TMC2: variants seen among roughly 807,000 people sequenced by gnomAD.
The protein encoded by TMC2 is transmembrane channel-like protein 2.
In TMC2, 102 loss-of-function variants were observed where a neutral mutation model predicts 105.9. The observed-to-expected ratio is 0.96, with a 90% CI of 0.82 to 1.14. The LOEUF is 1.14. Ranked by LOEUF, TMC2 falls within the 50% of genes most tolerant of loss-of-function variation. The pLI, the probability that TMC2 is intolerant of heterozygous loss-of-function variation, is 0.00. For synonymous variants in TMC2, 402 were observed against 422.8 expected (o/e 0.95, Z 0.60); for missense variants, 1,093 against 1,134.3 (o/e 0.96, Z 0.52).
At chr20:2,609,523 C>A (rs188859088) in intron 11 of TMC2, among the ~76,000 whole-genome samples, 1 of 152,070 alleles carries the variant, frequency 6.6e-6, no homozygotes, top group African/African-American at 2.4e-5. Context: ...AAAGCACAAA[C>A]AATAGTAGGC....
rs570750938 is a variant in TMC2 at position 2,620,276 on chromosome 20, C to T, written c.2180+2965C>T. On this transcript the variant is annotated intron_variant, in intron 16 of 19. Coordinates refer to ENST00000358864, the MANE Select transcript of TMC2 (RefSeq NM_080751.3). ...AGGATTTGATGATTCTGGAAATTCT[C>T]AGCCTTATCTAGATTGCAAAATATG... is the stretch of plus-strand genomic sequence containing the variant. 2.6e-5 allele frequency among the ~76,000 whole-genome samples: 4 copies of T among 152,290 alleles called. No individual in the cohort carries two copies. In the East Asian group the frequency reaches 7.7e-4, roughly 29 times the overall value.
At chr20:2,566,038 C>CA (rs1228379406) in intron 4 of TMC2, among the ~76,000 whole-genome samples, 1 of 151,888 alleles carries the variant, frequency 6.6e-6, no homozygotes, top group African/African-American at 2.4e-5. Flanking sequence ...ACTCTGTCTC[C>CA]AAAAAACATA....
chr20:2,574,951 C>A (rs1261803081), intron 5 of TMC2, among the ~76,000 whole-genome samples: 2 of 152,148 alleles, frequency 1.3e-5, no homozygotes, highest in Admixed American at 6.6e-5. Context: ...GTCTCGAAAT[C>A]CTGACCTCAG....
At chr20:2,595,936 T>C (rs1374096215) in intron 9 of TMC2, among the ~76,000 whole-genome samples, 1 of 152,214 alleles carries the variant, frequency 6.6e-6, no homozygotes, top group Non-Finnish European at 1.5e-5. Flanking sequence ...GGGTGATCTC[T>C]GACTGCACAG....
At chr20:2,575,831 T>C (rs1261621771) in intron 5 of TMC2, among the ~76,000 whole-genome samples, 1 of 152,192 alleles carries the variant, frequency 6.6e-6, no homozygotes, top group Non-Finnish European at 1.5e-5. Context: ...TTTTCCTCTG[T>C]GTCAATTATA....
At chr20:2,600,691 G>A (rs907841158) in intron 10 of TMC2, among the ~76,000 whole-genome samples, 2 of 152,196 alleles carry the variant, frequency 1.3e-5, no homozygotes, top group African/African-American at 4.8e-5. Flanking sequence ...GGGCATGGTG[G>A]CGGGTGCCTG....
chr20:2,545,822 G>GAAGGAAGAAAGAAAGAAAGA (rs773895243), intron 2 of TMC2, among the ~76,000 whole-genome samples: 3 of 117,972 alleles, frequency 2.5e-5, no homozygotes, highest in African/African-American at 1.0e-4. Context: ...AGAGGAAGAG[G>GAAGGAAGAAAGAAAGAAAGA]AAGAAAGAAA....
chr20:2,603,016 G>A (rs1219441856), intron 11 of TMC2, among the ~76,000 whole-genome samples: 1 of 152,202 alleles, frequency 6.6e-6, no homozygotes, highest in African/African-American at 2.4e-5. Context: ...TAGTGCTTGT[G>A]TATTGAGACT....
At chr20:2,606,210 T>A (rs2086390516) in intron 11 of TMC2, among the ~76,000 whole-genome samples, 1 of 152,226 alleles carries the variant, frequency 6.6e-6, no homozygotes, top group East Asian at 1.9e-4. Flanking sequence ...TAAGAATACA[T>A]CCTGGTATTG....
intron 2 of TMC2, among the ~76,000 whole-genome samples, chr20:2,555,907 G>A (rs964133870): frequency 3.3e-5 from 5 of 152,142 alleles, no homozygotes; most frequent in East Asian, 1.9e-4. Flanking sequence ...CATGGGTAGC[G>A]CAGGTACTTT....
chr20:2,629,218 T>A (rs985338038), intron 17 of TMC2, among the ~76,000 whole-genome samples: 1 of 152,224 alleles, frequency 6.6e-6, no homozygotes, highest in Non-Finnish European at 1.5e-5. Context: ...AATGAAAATG[T>A]TATATTTTAT....
intron 7 of TMC2, among the ~76,000 whole-genome samples, chr20:2,585,364 T>C (rs1011503041): frequency 2.0e-5 from 3 of 152,348 alleles, no homozygotes; most frequent in South Asian, 2.1e-4. Context: ...TTCTAACTTA[T>C]ATGTTTCATT....
intron 7 of TMC2, among the ~76,000 whole-genome samples, chr20:2,580,303 A>C (rs2086180394): frequency 6.6e-6 from 1 of 152,246 alleles, no homozygotes; most frequent in Non-Finnish European, 1.5e-5. Context: ...AACTACAATT[A>C]CTTTTGCACC....
intron 2 of TMC2, among the ~76,000 whole-genome samples, chr20:2,545,822 G>GAAGA (rs56859666): frequency 0.093 from 10,986 of 117,768 alleles, 656 homozygotes; most frequent in Middle Eastern, 0.15. Flanking sequence ...AGAGGAAGAG[G>GAAGA]AAGAAAGAAA....
At chr20:2,585,169 A>G (rs1246955132) in intron 7 of TMC2, among the ~76,000 whole-genome samples, 2 of 152,204 alleles carry the variant, frequency 1.3e-5, no homozygotes, top group Non-Finnish European at 2.9e-5. Flanking sequence ...TATTGCTGAA[A>G]TGGAATTGAA....
chr20:2,641,214 A>G lies in TMC2; in HGVS notation c.2584A>G (p.Arg862Gly). The G allele has an allele frequency of 6.2e-7, 1 of 1,614,186 alleles. No homozygotes were observed. Among genetic ancestry groups the G allele is most frequent in the Non-Finnish European group, 8.5e-7 (1 of 1,180,026 alleles). The change falls in exon 20 of 20, where the codon AGG becomes GGG. Residue 862 changes from arginine (R) to glycine (G), a missense_variant. Arg to Gly is a moderately radical substitution (Grantham distance 125). Coordinates refer to ENST00000358864, the MANE Select transcript of TMC2 (RefSeq NM_080751.3). ...QGPGTSNSAS[R>G]TTLPASGHLP... ...CCCTGGGACCTCCAATTCTGCCAGC[A>G]GGACCACACTGCCTGCCTCTGGACA...
At chr20:2,619,038 C>T (rs58770202) in intron 16 of TMC2, among the ~76,000 whole-genome samples, 2,467 of 152,294 alleles carry the variant, frequency 0.016, 78 homozygotes, top group African/African-American at 0.055. Context: ...CCTCACCCGC[C>T]TCACTCTAGT....
chr20:2,598,998 T>TGG (rs1366108854), intron 10 of TMC2, among the ~76,000 whole-genome samples: 2 of 152,130 alleles, frequency 1.3e-5, no homozygotes, highest in East Asian at 3.9e-4. Context: ...AGGACTATTT[T>TGG]AGGGTTCTAA....
chr20:2,579,389 TTTA>T (rs2086171616), intron 6 of TMC2, among the ~76,000 whole-genome samples, 162 bp downstream of exon 6: 5 of 126,880 alleles, frequency 3.9e-5, no homozygotes, highest in Non-Finnish European at 6.5e-5. Context: ...TTATTTTTTA[TTTA>T]TTTATTTATT....
Sources: allele counts gnomAD v4.1 joint callset (sites outside exome capture counted in the v4.1 genomes callset), GRCh38; gene constraint gnomAD v4.1.1; transcripts MANE v1.5; gene names NCBI Gene and HGNC (gene_info 2026-07-23, HGNC 2026-07-21).